TTPAL: variants seen among roughly 807,000 people sequenced by gnomAD.
TTPAL encodes alpha tocopherol transfer protein like, also known as alpha-tocopherol transfer protein-like.
TTPAL carries 21 observed loss-of-function variants against 28.7 expected under a neutral mutation model. That is an observed-to-expected ratio of 0.73 (90% CI 0.52 to 1.06). The LOEUF (loss-of-function observed/expected upper bound fraction) is 1.06, where lower values mean the gene tolerates loss of function less well. Ranked by LOEUF, TTPAL falls within the 50% of genes least tolerant of loss-of-function variation. The pLI is 0.00. For synonymous variants in TTPAL, 169 were observed against 171.9 expected, an observed-to-expected ratio of 0.98 and a Z score of 0.13; for missense variants, 345 against 425.5, an observed-to-expected ratio of 0.81 and a Z score of 1.67.
intron 1 of TTPAL, among the ~76,000 whole-genome samples, chr20:44,478,389 C>T (rs940286721): frequency 2.0e-5 from 3 of 152,212 alleles, no homozygotes; most frequent in East Asian, 1.9e-4. Context: ...CTATGTCTCA[C>T]TAAATCATTG....
At chr20:44,481,733 T>C (rs891464549) in intron 2 of TTPAL, among the ~76,000 whole-genome samples, 3 of 152,196 alleles carry the variant, frequency 2.0e-5, no homozygotes, top group African/African-American at 4.8e-5. Context: ...CAAACTCTCT[T>C]TGGAGGCTAA....
chr20:44,484,617 A>G, intron 3 of TTPAL, 87 bp downstream of exon 3: 1 of 957,116 alleles, frequency 1.0e-6, no homozygotes, highest in Non-Finnish European at 1.6e-6. Flanking sequence ...CACATGATAC[A>G]CAAACTGCAC....
At chr20:44,479,788 C>G (rs1349829795) in intron 1 of TTPAL, among the ~76,000 whole-genome samples, 197 bp from the exon 2 acceptor site, 1 of 152,172 alleles carries the variant, frequency 6.6e-6, no homozygotes, top group Non-Finnish European at 1.5e-5. Context: ...TGCTGCCTGC[C>G]TCCCTGGGGA....
In TTPAL at chr20:44,493,316, A is replaced by AC. The variant is rs1408785516; in HGVS notation, c.*3777dup. 1 of 152,290 alleles carries AC rather than the reference A, an allele frequency of 6.6e-6. No individual in the cohort carries two copies. Among genetic ancestry groups the AC allele is most frequent in the Non-Finnish European group, 1.5e-5 (1 of 68,024 alleles). 9.4% of individuals were successfully genotyped at this position (152,290 alleles called of 1,614,324 possible). ...AAATTGAAAAATCAGGTTACAAAAC[A>AC]CCATTTTTCCCGAAATAAGACAATA... On this transcript the variant is annotated 3_prime_UTR_variant, in exon 5 of 5. Transcript: ENST00000262605.
intron 2 of TTPAL, among the ~76,000 whole-genome samples, chr20:44,481,947 C>T (rs1329254351): frequency 1.3e-5 from 2 of 152,214 alleles, no homozygotes; most frequent in Admixed American, 6.5e-5. Context: ...TATTACAACA[C>T]AGTCAGATAT....
chr20:44,489,490 G>A lies in TTPAL; in HGVS notation c.978G>A (p.Gln326=). The part of the protein sequence containing the change: ...LLPEGLTSDA[Q]CDDSLRAVKS... Reference sequence around the variant, plus strand: ...CCGAGGGCCTGACCTCAGATGCACAGTGTGACGACTCCTTGCGAGCTGTGA... The same window carrying A: ...CCGAGGGCCTGACCTCAGATGCACAATGTGACGACTCCTTGCGAGCTGTGA... Residue 326 remains glutamine (Q), a synonymous_variant, in exon 5 of 5, where the codon CAG becomes CAA. Transcript: ENST00000262605. The A allele has an allele frequency of 6.2e-7, 1 of 1,614,226 alleles. No individual in the cohort carries two copies. The highest frequency in any genetic ancestry group is 8.5e-7 in the Non-Finnish European group (1 of 1,180,044).
At position 44,489,655 on chromosome 20, in the gene TTPAL, A is replaced by G. The variant is rs1286486381; in HGVS notation, c.*114A>G. ...TTGCTCCTTGTAATTAAACTGCAGG[A>G]TGGAGGAACAGCCTGAGATATGAGC... On this transcript the variant is annotated 3_prime_UTR_variant, in exon 5 of 5. Transcript: ENST00000262605. The G allele has an allele frequency of 1.6e-5, 19 of 1,180,262 alleles. No homozygotes were observed. In the South Asian group the frequency reaches 2.7e-4, roughly 17 times the overall value. The allele number at this position is 1,180,262 out of a possible 1,614,324, so 73.1% of individuals were successfully genotyped here. A position where few individuals can be genotyped will look rare whatever the true frequency, so the allele number is the denominator to read the frequency against.
chr20:44,480,923 T>TG lies in TTPAL; in HGVS notation c.445+483dup, dbSNP rs1233888156. Among the ~76,000 whole-genome samples, 1 of 152,150 alleles carries TG rather than the reference T, an allele frequency of 6.6e-6. No homozygotes were observed. Among genetic ancestry groups the TG allele is most frequent in the African/African-American group, 2.4e-5 (1 of 41,444 alleles). On this transcript the variant is annotated intron_variant, in intron 2 of 4. Coordinates refer to ENST00000262605, the MANE Select transcript of TTPAL (RefSeq NM_001039199.3). This position sits in a 1 kb window ranked among gnomAD's most constrained non-coding sequence, Gnocchi z 4.1. ...CTCAATGCAGATTCCCAATTTCTAG[T>TG]GGGGAGCATCTGGTGGGGCCTAAGA...
At position 44,480,330 on chromosome 20, in the gene TTPAL, G is replaced by C; in HGVS notation, c.331G>C (p.Glu111Gln). The change falls in exon 2 of 5, where the codon GAA (glutamate) becomes CAA (glutamine). Residue 111 changes from glutamate to glutamine, a missense_variant. Glu to Gln is a conservative substitution (Grantham distance 29, BLOSUM62 2). Coordinates refer to ENST00000262605, the MANE Select transcript of TTPAL (RefSeq NM_001039199.3). This position sits in a 1 kb window ranked among gnomAD's most constrained non-coding sequence, Gnocchi z 4.1. Reference protein sequence around the residue: ...NYHSCRRSWPEVFNNLKPSAL... With the variant: ...NYHSCRRSWPQVFNNLKPSAL... ...CCACAGCTGTAGAAGAAGCTGGCCC[G>C]AAGTCTTCAATAACTTGAAGCCATC... The C allele has an allele frequency of 6.2e-7, 1 of 1,614,122 alleles. No homozygotes were observed. Among genetic ancestry groups the C allele is most frequent in the Non-Finnish European group, 8.5e-7 (1 of 1,180,020 alleles).
intron 1 of TTPAL, among the ~76,000 whole-genome samples, chr20:44,478,139 A>G (rs1031332863): frequency 1.3e-5 from 2 of 152,206 alleles, no homozygotes; most frequent in Non-Finnish European, 2.9e-5. Flanking sequence ...AAAAAAGTGC[A>G]TGAGTTCAGG....
rs1013052855 is a variant in TTPAL at position 44,488,044 on chromosome 20, C to T, written c.751-1219C>T. Among the ~76,000 whole-genome samples, 62 of 152,242 alleles carry T rather than the reference C, an allele frequency of 4.1e-4. 1 individual carries two copies. The highest frequency in any genetic ancestry group is 7.3e-5 in the Non-Finnish European group (5 of 68,042). On this transcript the variant is annotated intron_variant, in intron 4 of 4. Coordinates refer to ENST00000262605, the MANE Select transcript of TTPAL (RefSeq NM_001039199.3). Reference sequence around the variant, plus strand: ...TTGGCCTCCGAAAGTGCTGGGATTACAGGCGTGAGCCACCGCACTGGGCCC... The same window carrying T: ...TTGGCCTCCGAAAGTGCTGGGATTATAGGCGTGAGCCACCGCACTGGGCCC...
Position 44,486,646 on chromosome 20 carries a change from AAT to A in TTPAL, c.693_694del (p.Phe232Ter). ...KAVHVVNEPR[I>X]FKGIFAIIKP... ...CAGTCCATGTGGTGAATGAACCTCG[AAT>A]ATTTAAAGGCATTTTTGCCATCATA... On this transcript the variant is annotated frameshift_variant, in exon 4 of 5. Coordinates refer to ENST00000262605, the MANE Select transcript of TTPAL (RefSeq NM_001039199.3). LOFTEE classifies it high-confidence loss of function. 6.2e-7 allele frequency: 1 copy of A among 1,613,870 alleles called. No individual in the cohort carries two copies. Among genetic ancestry groups the A allele is most frequent in the African/African-American group, 1.3e-5 (1 of 75,056 alleles).
intron 4 of TTPAL, among the ~76,000 whole-genome samples, chr20:44,488,844 C>T (rs550999943): frequency 1.3e-5 from 2 of 152,072 alleles, no homozygotes; most frequent in Non-Finnish European, 2.9e-5. Context: ...TGATGGGCCT[C>T]AGAGTCTGAG....
Position 44,486,691 on chromosome 20 carries a change from G to GA in TTPAL, c.739dup (p.Ile247AsnfsTer11). 1 of 1,600,612 alleles carries GA rather than the reference G, an allele frequency of 6.2e-7. No homozygotes were observed. Among genetic ancestry groups the GA allele is most frequent in the African/African-American group, 1.3e-5 (1 of 74,702 alleles). On this transcript the variant is annotated frameshift_variant, in exon 4 of 5. Transcript: ENST00000262605. LOFTEE classifies it high-confidence loss of function. ...CCATCATAAAACCATTTCTAAAGGA[G>GA]AAAATAGCAAACAGAGTAAGTGATG...
intron 1 of TTPAL, among the ~76,000 whole-genome samples, chr20:44,478,910 C>G (rs546413709): frequency 6.6e-6 from 1 of 152,192 alleles, no homozygotes; most frequent in Non-Finnish European, 1.5e-5. Flanking sequence ...CTGCCTCAGC[C>G]TCCCTAGTAG....
chr20:44,487,549 T>C (rs2064163594), intron 4 of TTPAL, among the ~76,000 whole-genome samples: 1 of 152,232 alleles, frequency 6.6e-6, no homozygotes, highest in African/African-American at 2.4e-5. Context: ...TGTCCCACTG[T>C]ACAGTTTGTG....
Position 44,486,647 on chromosome 20 carries a change from A to G in TTPAL, c.691A>G (p.Ile231Val), listed in dbSNP as rs2064154663. The change falls in exon 4 of 5, where the codon ATA becomes GTA. Residue 231 changes from isoleucine to valine, a missense_variant. Transcript: ENST00000262605. Reference sequence around the variant, plus strand: ...AGTCCATGTGGTGAATGAACCTCGAATATTTAAAGGCATTTTTGCCATCAT... The same window carrying G: ...AGTCCATGTGGTGAATGAACCTCGAGTATTTAAAGGCATTTTTGCCATCAT... Reference protein sequence around the residue: ...KAVHVVNEPRIFKGIFAIIKP... With the variant: ...KAVHVVNEPRVFKGIFAIIKP... The G allele has an allele frequency of 6.2e-7, 1 of 1,613,730 alleles. No individual in the cohort carries two copies. Among genetic ancestry groups the G allele is most frequent in the Non-Finnish European group, 8.5e-7 (1 of 1,179,918 alleles).
rs71743982 is a variant in TTPAL, at chr20:44,494,219, GGCA to G, written c.*4683_*4685del. On this transcript the variant is annotated 3_prime_UTR_variant, in exon 5 of 5. Coordinates refer to ENST00000262605, the MANE Select transcript of TTPAL (RefSeq NM_001039199.3). ...GGCTGTTTTTCTTTTCATCTCACTG[GGCA>G]GCAGGTTTAGTGAGGCAGTGAGATG... 11,270 of 152,574 alleles carry G rather than the reference GGCA, an allele frequency of 0.074. 445 individuals are homozygous for G. Among genetic ancestry groups the G allele is most frequent in the South Asian group, 0.14 (693 of 4,818 alleles). The allele number at this position is 152,574 out of a possible 1,614,324, so 9.5% of individuals were successfully genotyped here. A position where few individuals can be genotyped will look rare whatever the true frequency, so the allele number is the denominator to read the frequency against.
rs530699130 is a variant in TTPAL, at chr20:44,479,306, G to A, written c.-15-679G>A. On this transcript the variant is annotated intron_variant, in intron 1 of 4. Coordinates refer to ENST00000262605, the MANE Select transcript of TTPAL (RefSeq NM_001039199.3). ...TGTAGGTTTACATTCTGAAGATATT[G>A]ACAAATGCCCTCCAAAGAGGCTGTC... is the stretch of plus-strand genomic sequence containing the variant. Among the ~76,000 whole-genome samples the A allele has an allele frequency of 2.0e-5, 3 of 151,626 alleles. No individual in the cohort carries two copies. The South Asian group carries it at 6.2e-4, about 32-fold the overall frequency.
Sources: gnomAD v4.1 joint callset for allele counts (sites outside exome capture counted in the v4.1 genomes callset) on GRCh38, gnomAD v4.1.1 for gene constraint, Gnocchi (gnomAD v3.1) non-coding constraint, MANE v1.5 for transcripts, NCBI Gene and HGNC (gene_info 2026-07-23, HGNC 2026-07-21) for gene names.